M1AP: variants seen among roughly 807,000 people sequenced by gnomAD.
M1AP encodes the protein meiosis 1 arrest protein.
M1AP carries 39 observed loss-of-function variants against 51.2 expected under a neutral mutation model. The observed-to-expected ratio is 0.76, with a 90% CI of 0.59 to 1.00. The LOEUF is 1.00. Among genes scored for constraint, M1AP ranks in the 50% least tolerant of loss-of-function variants. The pLI is 0.00. For synonymous variants in M1AP, 251 were observed against 249.2 expected, an observed-to-expected ratio of 1.01 and a Z score of -0.07; for missense variants, 545 against 641.2, an observed-to-expected ratio of 0.85 and a Z score of 1.62.
intron 2 of M1AP, chr2:74,618,898 T>G: frequency 1.9e-6 from 1 of 526,906 alleles, no homozygotes; most frequent in South Asian, 1.4e-5. Flanking sequence ...AGCTCTTGAC[T>G]GAGTAGATTT....
Position 74,562,350 on chromosome 2 carries a change from G to A in M1AP, c.1148C>T (p.Thr383Ile), listed in dbSNP as rs750188912. The change falls in exon 8 of 11, where the codon ACC (threonine) becomes ATC (isoleucine). Residue 383 changes from threonine (T) to isoleucine (I), a missense_variant. Transcript: ENST00000421985. ...PGHSQRIPAS[T>I]FYVIMPSHSL... ...GTGTGACGGCATGATCACATAGAAG[G>A]TGCTGGCAGGAATTCTCTGGCTGTG... 6.2e-7 allele frequency: 1 copy of A among 1,614,252 alleles called. No individual in the cohort carries two copies. The highest frequency in any genetic ancestry group is 8.5e-7 in the Non-Finnish European group (1 of 1,180,040).
intron 7 of M1AP, among the ~76,000 whole-genome samples, chr2:74,563,627 A>C (rs540854430): frequency 2.7e-4 from 40 of 150,690 alleles, no homozygotes; most frequent in South Asian, 1.3e-3. Context: ...AAAAAAAAAA[A>C]CATAAAGAAA....
chr2:74,575,679 A>G, intron 6 of M1AP, 100 bp from the exon 7 acceptor site: 1 of 907,776 alleles, frequency 1.1e-6, no homozygotes. Flanking sequence ...GTACTGTGAA[A>G]GCTTTTAAAT....
chr2:74,639,927 G>A, intron 2 of M1AP, 109 bp downstream of exon 2: 1 of 941,374 alleles, frequency 1.1e-6, no homozygotes, highest in Non-Finnish European at 1.6e-6. Context: ...TGTGTGTGGA[G>A]AAGTAGTGCG....
Position 74,558,504 on chromosome 2 carries a change from C to T in M1AP, c.*212G>A. ...AATGATTCTAAAGAAAATGAAAGTC[C>T]TTGCTGGAGAAAGGACAGGCTCGGG... On this transcript the variant is annotated 3_prime_UTR_variant, in exon 11 of 11. Coordinates refer to ENST00000421985, the MANE Select transcript of M1AP (RefSeq NM_001321739.2). The T allele has an allele frequency of 1.9e-6, 1 of 540,112 alleles. No homozygotes were observed. The highest frequency in any genetic ancestry group is 2.0e-5 in the African/African-American group (1 of 50,278). The allele number at this position is 540,112 out of a possible 1,614,324, so 33.5% of individuals were successfully genotyped here. A position where few individuals can be genotyped will look rare whatever the true frequency, so the allele number is the denominator to read the frequency against.
At chr2:74,563,614 A>C (rs1472331181) in intron 7 of M1AP, among the ~76,000 whole-genome samples, 1 of 151,548 alleles carries the variant, frequency 6.6e-6, no homozygotes, top group South Asian at 2.1e-4. Flanking sequence ...CATAAAAAAA[A>C]AAAAAAAAAA....
At chr2:74,633,275 A>C (rs971866930) in intron 2 of M1AP, among the ~76,000 whole-genome samples, 4 of 152,178 alleles carry the variant, frequency 2.6e-5, no homozygotes, top group African/African-American at 9.7e-5. Flanking sequence ...TCAGGCTTCT[A>C]AACCTTTTCT....
intron 7 of M1AP, among the ~76,000 whole-genome samples, chr2:74,563,736 A>C (rs1013344146): frequency 2.0e-5 from 3 of 151,936 alleles, no homozygotes; most frequent in African/African-American, 7.3e-5. Context: ...GCCTCTGTGG[A>C]TGATGGGTTA....
At chr2:74,640,902 C>G (rs1026865884) in intron 1 of M1AP, among the ~76,000 whole-genome samples, 3 of 152,224 alleles carry the variant, frequency 2.0e-5, no homozygotes, top group African/African-American at 7.2e-5. Flanking sequence ...TATCTGCCCT[C>G]ATAAACTTTG....
At chr2:74,624,175 A>G (rs1346093749) in intron 2 of M1AP, among the ~76,000 whole-genome samples, 1 of 152,242 alleles carries the variant, frequency 6.6e-6, no homozygotes, top group East Asian at 1.9e-4. Context: ...AGCCAGCATT[A>G]AAGTAAAGGT....
At chr2:74,624,934 A>G (rs1682281649) in intron 2 of M1AP, among the ~76,000 whole-genome samples, 1 of 152,330 alleles carries the variant, frequency 6.6e-6, no homozygotes, top group Non-Finnish European at 1.5e-5. Flanking sequence ...ATTTTTGTAC[A>G]TGTGTAAATA....
At chr2:74,586,312 T>C (rs1377323498) in intron 4 of M1AP, among the ~76,000 whole-genome samples, 2 of 152,254 alleles carry the variant, frequency 1.3e-5, no homozygotes, top group Non-Finnish European at 2.9e-5. Flanking sequence ...ATCCTCCCTA[T>C]CAGGGCCTTG....
At chr2:74,568,898 C>A (rs1413389003) in intron 7 of M1AP, among the ~76,000 whole-genome samples, 1 of 152,164 alleles carries the variant, frequency 6.6e-6, no homozygotes, top group Non-Finnish European at 1.5e-5. Flanking sequence ...TGCTCAGCCA[C>A]CACTCTGTCT....
chr2:74,571,673 T>C (rs1046970908), intron 7 of M1AP, among the ~76,000 whole-genome samples: 2 of 152,160 alleles, frequency 1.3e-5, no homozygotes, highest in Admixed American at 6.5e-5. Flanking sequence ...GAAAATGTCA[T>C]GTGAAAAACA....
chr2:74,576,502 T>G lies in M1AP; in HGVS notation c.886A>C (p.Met296Leu), dbSNP rs1296147468. 1.2e-6 allele frequency: 2 copies of G among 1,614,070 alleles called. No individual in the cohort carries two copies. The highest frequency in any genetic ancestry group is 1.7e-6 in the Non-Finnish European group (2 of 1,179,992). ...PKGDFITLYQMASQSSASHYK... is the reference protein window; with the variant it reads ...PKGDFITLYQLASQSSASHYK... ...TGAGAGGCCGATGACTGGGAAGCCA[T>G]CTGGTAGAGTGTGATGAAGTCTCCT... Residue 296 changes from methionine (M) to leucine (L), a missense_variant, in exon 6 of 11, where the codon ATG (methionine) becomes CTG (leucine). By Grantham distance (15) the Met-to-Leu change is conservative. Coordinates refer to ENST00000421985, the MANE Select transcript of M1AP (RefSeq NM_001321739.2).
In M1AP at chr2:74,613,902, C is replaced by T. The variant is rs150390775; in HGVS notation, c.426+1062G>A. Among the ~76,000 whole-genome samples, 190 of 152,298 alleles carry T rather than the reference C, an allele frequency of 1.2e-3. 1 individual carries two copies. Among genetic ancestry groups the T allele is most frequent in the African/African-American group, 4.2e-3 (176 of 41,542 alleles). On this transcript the variant is annotated intron_variant, in intron 3 of 10. Transcript: ENST00000421985. ...CTCTTGGGCTCAAGCCATCTTCCTG[C>T]CCCAGCCTCTCAAGTAGCTAGGACT...
rs138394848 is a variant in M1AP, at chr2:74,576,654, C to T, written c.770-36G>A. 5.6e-6 allele frequency: 9 copies of T among 1,607,060 alleles called. No individual in the cohort carries two copies. In the African/African-American group the frequency reaches 8.0e-5, roughly 14 times the overall value. On this transcript the variant is annotated intron_variant, in intron 5 of 10. Coordinates refer to ENST00000421985, the MANE Select transcript of M1AP (RefSeq NM_001321739.2). ...AGGAGATTACATTTCAGACACACTA[C>T]AATTGGAGGAAGGATTGTGGGTAAT...
chr2:74,588,514 A>C (rs1041935918), intron 4 of M1AP, among the ~76,000 whole-genome samples: 6 of 152,242 alleles, frequency 3.9e-5, no homozygotes, highest in Non-Finnish European at 7.3e-5. Flanking sequence ...ATTGTCTTTA[A>C]ATCAACACAA....
intron 2 of M1AP, among the ~76,000 whole-genome samples, 163 bp from the exon 3 acceptor site, chr2:74,615,312 C>T (rs568933732): frequency 4.6e-4 from 70 of 151,848 alleles, no homozygotes; most frequent in African/African-American, 1.6e-3. Context: ...AGCCACTGCA[C>T]CAAAATCTTC....
Sources: gnomAD v4.1 joint callset for allele counts (sites outside exome capture counted in the v4.1 genomes callset) on GRCh38, gnomAD v4.1.1 for gene constraint, MANE v1.5 for transcripts, NCBI Gene and HGNC (gene_info 2026-07-23, HGNC 2026-07-21) for gene names.